Variants in USP48 observed in about 807,000 individuals in gnomAD.
USP48 encodes ubiquitin carboxyl-terminal hydrolase 48.
In USP48, 43 loss-of-function variants were observed where a neutral mutation model predicts 150.7. The ratio of observed to expected loss-of-function variants is 0.29; its 90% CI spans 0.22 to 0.37. The LOEUF (loss-of-function observed/expected upper bound fraction) is 0.37, where lower values mean the gene tolerates loss of function less well. Among genes scored for constraint, USP48 ranks in the 10% least tolerant of loss-of-function variants. USP48 has a pLI of 1.00. For missense variants in USP48, 813 were observed against 1,249.6 expected (o/e 0.65, Z 5.27); for synonymous variants, 396 against 425.9 (o/e 0.93, Z 0.86).
intron 23 of USP48, among the ~76,000 whole-genome samples, chr1:21,690,680 T>C (rs767870291): frequency 1.3e-5 from 2 of 151,864 alleles, no homozygotes; most frequent in African/African-American, 4.8e-5. Flanking sequence ...TGTGCTACCA[T>C]GTCTGGCGGA....
chr1:21,753,162 ACTTTTCTTTCC>A (rs1356396032), intron 3 of USP48, 43 bp from the exon 4 acceptor site: 1 of 1,567,972 alleles, frequency 6.4e-7, no homozygotes, highest in Admixed American at 2.0e-5. Context: ...TTAAGGTGCT[ACTTTTCTTTCC>A]AAAAAATGGT....
chr1:21,680,225 ACAG>A (rs1255398464), intron 26 of USP48, among the ~76,000 whole-genome samples: 1 of 152,254 alleles, frequency 6.6e-6, no homozygotes, highest in Non-Finnish European at 1.5e-5. Flanking sequence ...AAGAATCAAG[ACAG>A]CAACAGGAAA....
chr1:21,771,401 T>C (rs990953780), intron 1 of USP48, among the ~76,000 whole-genome samples: 2 of 148,552 alleles, frequency 1.3e-5, no homozygotes, highest in African/African-American at 2.4e-5. Flanking sequence ...TATTAATTAT[T>C]AATAAATTAT....
chr1:21,753,215 C>G lies in USP48; in HGVS notation c.413-96G>C, dbSNP rs1042405325. On this transcript the variant is annotated intron_variant, in intron 3 of 26. Transcript: ENST00000308271. ...TCTTCACATGAGAACATAAACATCT[C>G]TACATCCAAACTAGATTAATACTTT... is the stretch of plus-strand genomic sequence containing the variant. The G allele has an allele frequency of 1.0e-4, 130 of 1,251,106 alleles. No individual in the cohort carries two copies. Among genetic ancestry groups the G allele is most frequent in the Middle Eastern group, 7.4e-4 (3 of 4,066 alleles). 77.5% of individuals were successfully genotyped at this position (1,251,106 alleles called of 1,614,324 possible). A position where few individuals can be genotyped will look rare whatever the true frequency, so the allele number is the denominator to read the frequency against.
chr1:21,749,332 G>C (rs333190), intron 6 of USP48, among the ~76,000 whole-genome samples: 10,892 of 152,124 alleles, frequency 0.072, 468 homozygotes, highest in Middle Eastern at 0.11. Context: ...CCTAACATTT[G>C]AATGTCCCAG....
intron 8 of USP48, among the ~76,000 whole-genome samples, chr1:21,738,993 G>A (rs2097774898): frequency 6.6e-6 from 1 of 152,140 alleles, no homozygotes. Flanking sequence ...CTTTCTAAAT[G>A]CATTGTCAAG....
At chr1:21,755,554 AAAAC>A (rs749907102) in intron 3 of USP48, among the ~76,000 whole-genome samples, 5 of 152,226 alleles carry the variant, frequency 3.3e-5, no homozygotes, top group South Asian at 2.1e-4. Flanking sequence ...CTTGTCTCAA[AAAAC>A]AAACAAACAA....
chr1:21,754,610 G>C (rs1262716986), intron 3 of USP48, among the ~76,000 whole-genome samples: 1 of 152,158 alleles, frequency 6.6e-6, no homozygotes, highest in Non-Finnish European at 1.5e-5. Flanking sequence ...TCAGTGAAGG[G>C]CACTGCAGGG....
chr1:21,719,172 A>C (rs1223070192), intron 14 of USP48, among the ~76,000 whole-genome samples: 3 of 147,654 alleles, frequency 2.0e-5, no homozygotes, highest in Non-Finnish European at 4.5e-5. Context: ...CTGAGGCAGG[A>C]AAATCACTTG....
intron 2 of USP48, 134 bp downstream of exon 2, chr1:21,757,529 A>T: frequency 1.1e-6 from 1 of 939,154 alleles, no homozygotes; most frequent in Non-Finnish European, 1.5e-6. Flanking sequence ...TTAGAGTCTT[A>T]AGTTCTACTG....
chr1:21,709,066 T>C (rs78229127), intron 15 of USP48, among the ~76,000 whole-genome samples: 3,123 of 151,934 alleles, frequency 0.021, 40 homozygotes, highest in Middle Eastern at 0.048. Flanking sequence ...TGAGCCACCA[T>C]GCCCGCCTAA....
intron 2 of USP48, 157 bp from the exon 3 acceptor site, chr1:21,756,859 T>A (rs1035246201): frequency 2.0e-6 from 2 of 985,284 alleles, no homozygotes; most frequent in African/African-American, 3.5e-5. Context: ...AGGTGGGGCA[T>A]AATTTTCATG....
intron 1 of USP48, among the ~76,000 whole-genome samples, chr1:21,758,223 C>G (rs187143295): frequency 9.3e-5 from 14 of 150,684 alleles, no homozygotes; most frequent in East Asian, 5.8e-4. Flanking sequence ...CACACACACA[C>G]AGCATGAAAA....
chr1:21,775,534 C>T (rs968501986), intron 1 of USP48, among the ~76,000 whole-genome samples: 8 of 152,286 alleles, frequency 5.3e-5, no homozygotes, highest in Admixed American at 2.6e-4. Flanking sequence ...GGACTACAGG[C>T]GTAAGCCACC....
intron 1 of USP48, among the ~76,000 whole-genome samples, chr1:21,778,983 A>C (rs934578896): frequency 6.6e-6 from 1 of 151,830 alleles, no homozygotes; most frequent in African/African-American, 2.4e-5. Context: ...GAGTTTCACC[A>C]CGTTAGCCAG....
At chr1:21,765,529 C>T (rs2097859506) in intron 1 of USP48, among the ~76,000 whole-genome samples, 1 of 151,526 alleles carries the variant, frequency 6.6e-6, no homozygotes, top group Admixed American at 6.6e-5. Context: ...AGGCAGAAGG[C>T]TCGCTTGAAC....
intron 1 of USP48, among the ~76,000 whole-genome samples, chr1:21,781,250 C>T (rs1158606623): frequency 2.0e-5 from 3 of 149,412 alleles, no homozygotes; most frequent in African/African-American, 7.4e-5. Flanking sequence ...GAAACCCTGT[C>T]TCTACTAAAA....
chr1:21,736,355 T>C, intron 9 of USP48, 91 bp downstream of exon 9: 1 of 1,281,078 alleles, frequency 7.8e-7, no homozygotes, highest in Non-Finnish European at 1.1e-6. Context: ...GTCTGTAACA[T>C]AACAATCTTG....
intron 1 of USP48, among the ~76,000 whole-genome samples, chr1:21,768,038 T>C (rs2097867006): frequency 6.6e-6 from 1 of 151,966 alleles, no homozygotes. Flanking sequence ...AAACCCCGTC[T>C]CTACTAAAAA....
Sources: gnomAD v4.1 joint callset for allele counts (sites outside exome capture counted in the v4.1 genomes callset) on GRCh38, gnomAD v4.1.1 for gene constraint, MANE v1.5 for transcripts, NCBI Gene and HGNC (gene_info 2026-07-23, HGNC 2026-07-21) for gene names.